Variants in PM20D2 observed in about 807,000 individuals in gnomAD.
PM20D2 encodes xaa-Arg dipeptidase.
In PM20D2, 33 loss-of-function variants were observed where a neutral mutation model predicts 42.9. That is an observed-to-expected ratio of 0.77 (90% confidence interval 0.58 to 1.03). The LOEUF (loss-of-function observed/expected upper bound fraction) is 1.03. Ranked by LOEUF, PM20D2 falls within the 50% of genes least tolerant of loss-of-function variation. The probability of loss-of-function intolerance (pLI) is 0.00; values close to 1 mark genes in which losing one functional copy is unlikely to be tolerated. For synonymous variants in PM20D2, 250 were observed against 228.2 expected (o/e 1.10, Z -0.86); for missense variants, 548 against 557.0 (o/e 0.98, Z 0.16).
rs530895417 is a variant in PM20D2 at position 89,157,144 on chromosome 6, T to C, written c.913-1181T>C. Reference sequence around the variant, plus strand: ...TAGGCTCTCCCTGTGTTGCCCAGGCTGGTCTCAAACTCCTGGGCTCAAGTG... The same window carrying C: ...TAGGCTCTCCCTGTGTTGCCCAGGCCGGTCTCAAACTCCTGGGCTCAAGTG... On this transcript the variant is annotated intron_variant, in intron 4 of 6. Transcript: ENST00000275072. 2.0e-5 allele frequency among the ~76,000 whole-genome samples: 3 copies of C among 152,290 alleles called. No individual in the cohort carries two copies. The South Asian group carries it at 6.2e-4, about 32-fold the overall frequency.
the PM20D2 span, among the ~76,000 whole-genome samples, chr6:89,131,300 T>C: frequency 6.6e-6 from 1 of 152,004 alleles, no homozygotes; most frequent in South Asian, 2.1e-4. Flanking sequence ...TAGTGTCACA[T>C]TGGGGATTAG....
the PM20D2 span, among the ~76,000 whole-genome samples, chr6:89,136,883 T>A: frequency 6.6e-6 from 1 of 151,102 alleles, no homozygotes. Context: ...TAGTGGAGGC[T>A]AAGGGTGGAA....
the PM20D2 span, chr6:89,105,681 A>C: frequency 1.9e-6 from 1 of 515,548 alleles, no homozygotes; most frequent in Non-Finnish European, 3.2e-6. Flanking sequence ...CAGAAAAAAA[A>C]CTTTCACTTT....
the PM20D2 span, among the ~76,000 whole-genome samples, chr6:89,136,447 G>A: frequency 6.6e-6 from 1 of 151,200 alleles, no homozygotes; most frequent in African/African-American, 2.5e-5. Context: ...GGAGGCTGAG[G>A]CGGGCGGATC....
chr6:89,117,743 C>T, the PM20D2 span: 7 of 1,374,738 alleles, frequency 5.1e-6, no homozygotes, highest in Non-Finnish European at 6.7e-6. Context: ...GAGCCTCCGC[C>T]GGGCCTCGGC....
chr6:89,157,241 T>C (rs944502048), intron 4 of PM20D2, among the ~76,000 whole-genome samples: 7 of 152,314 alleles, frequency 4.6e-5, no homozygotes, highest in African/African-American at 1.7e-4. Flanking sequence ...TAAATCTATA[T>C]TTTAAATAAT....
upstream of PM20D2, among the ~76,000 whole-genome samples, chr6:89,145,429 CTT>C (rs1350965659): frequency 6.6e-6 from 1 of 152,330 alleles, no homozygotes; most frequent in East Asian, 1.9e-4. Flanking sequence ...TCTTTTAACT[CTT>C]TGGTTTTAAC....
chr6:89,108,751 T>TA, the PM20D2 span, among the ~76,000 whole-genome samples: 1 of 152,206 alleles, frequency 6.6e-6, no homozygotes, highest in African/African-American at 2.4e-5. Flanking sequence ...AGAACACTGA[T>TA]AAGAGTTCTA....
chr6:89,147,687 G>C (rs1429103393), intron 1 of PM20D2, among the ~76,000 whole-genome samples: 1 of 151,116 alleles, frequency 6.6e-6, no homozygotes, highest in Non-Finnish European at 1.5e-5. Flanking sequence ...TTCGAGACCC[G>C]CCTGGCCAAC....
At chr6:89,105,065 T>C in the PM20D2 span, 6 of 1,510,418 alleles carry the variant, frequency 4.0e-6, no homozygotes, top group South Asian at 3.8e-5. Flanking sequence ...AAAAAATATA[T>C]ATCTATTTCC....
At chr6:89,130,819 CTTTTTTTTT>C in the PM20D2 span, among the ~76,000 whole-genome samples, 8 of 24,056 alleles carry the variant, frequency 3.3e-4, no homozygotes, top group African/African-American at 1.1e-3. Flanking sequence ...GCTTCTTCTT[CTTTTTTTTT>C]TTTTTTTTTT....
At chr6:89,117,752 G>C in the PM20D2 span, 3 of 1,455,722 alleles carry the variant, frequency 2.1e-6, no homozygotes, top group Non-Finnish European at 2.7e-6. Context: ...CCGGGCCTCG[G>C]CCGTGCTCCG....
chr6:89,148,445 T>A (rs1330544406), intron 1 of PM20D2: 1 of 659,198 alleles, frequency 1.5e-6, no homozygotes, highest in East Asian at 1.4e-4. Context: ...TTATTTTGAT[T>A]TTTAAAATTG....
the PM20D2 span, chr6:89,106,795 A>G: frequency 3.6e-5 from 13 of 357,920 alleles, 1 homozygote; most frequent in Non-Finnish European, 6.0e-5. Context: ...TGGAACTCTG[A>G]GTAAATGTAG....
the PM20D2 span, chr6:89,117,888 G>A: frequency 1.9e-6 from 3 of 1,562,084 alleles, no homozygotes; most frequent in East Asian, 5.3e-5. Context: ...AGCGAGACAT[G>A]ACCGCTTCCT....
At chr6:89,161,347 A>G (rs531791250) in intron 5 of PM20D2, among the ~76,000 whole-genome samples, 1 of 152,332 alleles carries the variant, frequency 6.6e-6, no homozygotes, top group Non-Finnish European at 1.5e-5. Flanking sequence ...AAGAATATGC[A>G]GTAAGAAGAG....
chr6:89,120,626 G>A, the PM20D2 span, among the ~76,000 whole-genome samples: 31 of 152,008 alleles, frequency 2.0e-4, no homozygotes, highest in Non-Finnish European at 3.8e-4. Context: ...TGCTGTGGGA[G>A]GCCAAGTTGG....
chr6:89,155,878 A>ATT (rs11371350), intron 4 of PM20D2, among the ~76,000 whole-genome samples: 20 of 143,318 alleles, frequency 1.4e-4, no homozygotes, highest in East Asian at 4.2e-4. Context: ...CACCTGGCTA[A>ATT]TTTTTTTTTT....
chr6:89,137,299 G>A, the PM20D2 span, among the ~76,000 whole-genome samples: 3 of 152,174 alleles, frequency 2.0e-5, no homozygotes, highest in African/African-American at 4.8e-5. Context: ...TGAGTGGGAG[G>A]ATTCCTTGAG....
Sources: allele counts gnomAD v4.1 joint callset (sites outside exome capture counted in the v4.1 genomes callset), GRCh38; gene constraint gnomAD v4.1.1; transcripts MANE v1.5; gene names NCBI Gene and HGNC (gene_info 2026-07-23, HGNC 2026-07-21).